Variants in DCAF8L2 observed in about 807,000 individuals in gnomAD.
DCAF8L2 encodes DDB1- and CUL4-associated factor 8-like protein 2.
For synonymous variants in DCAF8L2, 200 were observed against 190.9 expected, an observed-to-expected ratio of 1.05 and a Z score of -0.39; for missense variants, 430 against 490.7, an observed-to-expected ratio of 0.88 and a Z score of 1.17.
At chrX:27,670,404 C>G (rs928794801) in intron 2 of DCAF8L2, among the ~76,000 whole-genome samples, 7 of 110,967 alleles carry the variant, frequency 6.3e-5, no homozygotes, top group Non-Finnish European at 1.9e-5. Flanking sequence ...GCATTCCCCT[C>G]TATCTCTCAT....
chrX:27,524,519 C>T, the DCAF8L2 span, among the ~76,000 whole-genome samples: 1 of 110,545 alleles, frequency 9.0e-6, no homozygotes, highest in Non-Finnish European at 1.9e-5. Context: ...TTTTTTGTGT[C>T]TCTATCTCCT....
At chrX:27,730,675 C>T (rs1921139430) in intron 4 of DCAF8L2, among the ~76,000 whole-genome samples, 1 of 109,377 alleles carries the variant, frequency 9.1e-6, no homozygotes, top group Admixed American at 9.9e-5. Context: ...GCCAGGGCCT[C>T]CCAAAGTGCT....
At chrX:27,593,213 G>A (rs778775747) in intron 1 of DCAF8L2, among the ~76,000 whole-genome samples, 4 of 111,379 alleles carry the variant, frequency 3.6e-5, no homozygotes, top group African/African-American at 9.8e-5. Flanking sequence ...ATCTGTACCC[G>A]TCACACAACT....
intron 4 of DCAF8L2, among the ~76,000 whole-genome samples, chrX:27,731,282 G>A (rs1921185966): frequency 9.0e-6 from 1 of 110,872 alleles, no homozygotes; most frequent in African/African-American, 3.3e-5. Flanking sequence ...GTGGTGGCAC[G>A]TGCCAGCAAT....
chrX:27,519,806 C>T, the DCAF8L2 span: 13 of 447,818 alleles, frequency 2.9e-5, no homozygotes, highest in Admixed American at 6.1e-5. Context: ...AGGTTAAATA[C>T]GAACAATTAT....
chrX:27,679,039 G>T (rs946969591), intron 3 of DCAF8L2, among the ~76,000 whole-genome samples: 2 of 111,609 alleles, frequency 1.8e-5, no homozygotes, highest in Non-Finnish European at 3.8e-5. Context: ...ACTCAATAAT[G>T]GCTATGCAGA....
chrX:27,590,237 A>C (rs1295757054), upstream of DCAF8L2: 1 of 111,337 alleles, frequency 9.0e-6, no homozygotes, highest in African/African-American at 3.3e-5. Flanking sequence ...CTGCCTCTGG[A>C]CCATGGAGCG....
intron 4 of DCAF8L2, among the ~76,000 whole-genome samples, chrX:27,728,660 TTTG>T (rs1921014633): frequency 1.8e-5 from 2 of 111,687 alleles, no homozygotes; most frequent in African/African-American, 3.3e-5. Flanking sequence ...AAAAGTCATG[TTTG>T]CTACTTTCTC....
At chrX:27,642,062 G>A (rs1928752768) in intron 2 of DCAF8L2, among the ~76,000 whole-genome samples, 1 of 106,268 alleles carries the variant, frequency 9.4e-6, no homozygotes, top group African/African-American at 3.4e-5. Flanking sequence ...ATAATTTTTT[G>A]TATTTTTTTT....
At chrX:27,536,461 G>GAT in the DCAF8L2 span, among the ~76,000 whole-genome samples, 2 of 112,001 alleles carry the variant, frequency 1.8e-5, no homozygotes, top group Non-Finnish European at 3.8e-5. Flanking sequence ...CTCTAAGGAG[G>GAT]ATATGGTATA....
chrX:27,514,434 C>T, the DCAF8L2 span, among the ~76,000 whole-genome samples: 1 of 108,618 alleles, frequency 9.2e-6, no homozygotes, highest in Non-Finnish European at 1.9e-5. Flanking sequence ...CTTTGGGAGG[C>T]CAAGGCAGGC....
chrX:27,485,449 A>C, the DCAF8L2 span, among the ~76,000 whole-genome samples: 1 of 100,502 alleles, frequency 1.0e-5, no homozygotes, highest in Non-Finnish European at 1.9e-5. Flanking sequence ...TATAAAAATT[A>C]ATTAGAGTTG....
At chrX:27,469,984 T>C in the DCAF8L2 span, among the ~76,000 whole-genome samples, 1 of 110,931 alleles carries the variant, frequency 9.0e-6, no homozygotes, top group Non-Finnish European at 1.9e-5. Context: ...GCCAGGCTGG[T>C]CTCGAACTCC....
rs1051598413 is a variant in DCAF8L2 at position 27,702,032 on chromosome X, A to G, written c.-142-14056A>G. Among the ~76,000 whole-genome samples the G allele has an allele frequency of 5.4e-5, 6 of 111,194 alleles. No homozygotes were observed. In the Admixed American group the frequency reaches 5.8e-4, roughly 11 times the overall value. On this transcript the variant is annotated intron_variant, in intron 3 of 4. Transcript: ENST00000451261. ...TATCTGGAATGAAAGAGAATATACCACTACCGACCTTAGATACGAGAAAAT... is the reference window on the plus strand; with the variant it reads ...TATCTGGAATGAAAGAGAATATACCGCTACCGACCTTAGATACGAGAAAAT...
the DCAF8L2 span, chrX:27,517,838 T>A: frequency 1.9e-6 from 2 of 1,077,465 alleles, no homozygotes; most frequent in Non-Finnish European, 2.6e-6. Context: ...CTTGTACTTA[T>A]CACGGCCTGC....
chrX:27,694,227 G>A (rs1442481977), intron 3 of DCAF8L2, among the ~76,000 whole-genome samples: 1 of 110,951 alleles, frequency 9.0e-6, no homozygotes, highest in Non-Finnish European at 1.9e-5. Context: ...AAGGCAGGGA[G>A]GAGGAAAGGG....
the DCAF8L2 span, among the ~76,000 whole-genome samples, chrX:27,520,720 T>C: frequency 2.7e-5 from 3 of 112,167 alleles, no homozygotes; most frequent in African/African-American, 9.7e-5. Flanking sequence ...GAAATACTTC[T>C]TGCCCTGATA....
the DCAF8L2 span, among the ~76,000 whole-genome samples, chrX:27,502,335 A>AAAAATATATAT: frequency 7.9e-5 from 1 of 12,716 alleles, no homozygotes; most frequent in Non-Finnish European, 1.5e-4. Context: ...AAAAAAAAAA[A>AAAAATATATAT]ATATATATAT....
the DCAF8L2 span, among the ~76,000 whole-genome samples, chrX:27,489,387 A>G: frequency 8.9e-6 from 1 of 112,367 alleles, no homozygotes; most frequent in Non-Finnish European, 1.9e-5. Flanking sequence ...GTGAGCCACC[A>G]CGCCCGACCT....
Sources: allele counts gnomAD v4.1 joint callset (sites outside exome capture counted in the v4.1 genomes callset), GRCh38; gene constraint gnomAD v4.1.1; transcripts MANE v1.5; gene names NCBI Gene and HGNC (gene_info 2026-07-23, HGNC 2026-07-21).